Variants in POLR3K observed in about 807,000 individuals in gnomAD.
POLR3K encodes DNA-directed RNA polymerase III subunit RPC10.
A neutral mutation model predicts 13.5 loss-of-function variants in POLR3K; 11 were observed. The observed-to-expected ratio is 0.81, with a 90% CI of 0.51 to 1.35. The LOEUF (loss-of-function observed/expected upper bound fraction) is 1.35. Ranked by LOEUF, POLR3K falls within the 40% of genes most tolerant of loss-of-function variation. The pLI, the probability that POLR3K is intolerant of heterozygous loss-of-function variation, is 0.00. For synonymous variants in POLR3K, 56 were observed against 51.5 expected (o/e 1.09, Z -0.38); for missense variants, 144 against 145.3 (o/e 0.99, Z 0.05).
At position 47,353 on chromosome 16, in the gene POLR3K, C is replaced by T. The variant is rs867426292; in HGVS notation, c.*77G>A. 1.9e-6 allele frequency: 3 copies of T among 1,544,348 alleles called. No homozygotes were observed. The highest frequency in any genetic ancestry group is 1.8e-4 in the Middle Eastern group (1 of 5,470). The stretch of plus-strand genomic sequence containing the variant: ...CACTAGCAAAGACCCTCAGGACACA[C>T]AACTCATACTGCCAGCTAAGCATCT... On this transcript the variant is annotated 3_prime_UTR_variant, in exon 3 of 3. Transcript: ENST00000293860.
chr16:51,798 A>C (rs1206987420), intron 1 of POLR3K, 153 bp from the exon 2 acceptor site: 3 of 592,090 alleles, frequency 5.1e-6, no homozygotes, highest in Non-Finnish European at 9.1e-6. Flanking sequence ...AGACGGGCGG[A>C]TCACGAGGTC....
chr16:50,540 G>C (rs918709109), intron 2 of POLR3K, among the ~76,000 whole-genome samples: 3 of 152,068 alleles, frequency 2.0e-5, no homozygotes, highest in African/African-American at 7.2e-5. Flanking sequence ...TGTTTGTTTT[G>C]AGACAGAGTC....
In POLR3K at chr16:46,474, C is replaced by G. The variant is rs1897283822; in HGVS notation, c.*956G>C. On this transcript the variant is annotated 3_prime_UTR_variant, in exon 3 of 3. Coordinates refer to ENST00000293860, the MANE Select transcript of POLR3K (RefSeq NM_016310.5). ...ACACAGTGGCTCACGCCTGTAATCC[C>G]AGCACTTTAGGAGGCCGAGGCAGAC... 6.6e-6 allele frequency: 1 copy of G among 152,116 alleles called. No individual in the cohort carries two copies. The highest frequency in any genetic ancestry group is 6.6e-5 in the Admixed American group (1 of 15,264). The allele number at this position is 152,116 out of a possible 1,614,324, so 9.4% of individuals were successfully genotyped here. A position where few individuals can be genotyped will look rare whatever the true frequency, so the allele number is the denominator to read the frequency against.
At chr16:49,988 C>T (rs145052051) in intron 2 of POLR3K, among the ~76,000 whole-genome samples, 20,768 of 151,196 alleles carry the variant, frequency 0.14, 1,543 homozygotes, top group Middle Eastern at 0.25. Flanking sequence ...GACAGAGTTT[C>T]GTTCTTGTTG....
At position 46,496 on chromosome 16, in the gene POLR3K, A is replaced by G. The variant is rs57090347; in HGVS notation, c.*934T>C. 0.16 allele frequency: 23,806 copies of G among 152,074 alleles called. 2,096 individuals are homozygous for G. Among genetic ancestry groups the G allele is most frequent in the Middle Eastern group, 0.27 (78 of 294 alleles). The allele number at this position is 152,074 out of a possible 1,614,324, so 9.4% of individuals were successfully genotyped here. A position where few individuals can be genotyped will look rare whatever the true frequency, so the allele number is the denominator to read the frequency against. The stretch of plus-strand genomic sequence containing the variant: ...TCCCAGCACTTTAGGAGGCCGAGGC[A>G]GACAGATTATCTGAGGTCAGGAGTT... On this transcript the variant is annotated 3_prime_UTR_variant, in exon 3 of 3. Transcript: ENST00000293860.
chr16:48,133 G>A (rs1051568171), intron 2 of POLR3K, among the ~76,000 whole-genome samples: 6 of 151,478 alleles, frequency 4.0e-5, no homozygotes, highest in African/African-American at 9.7e-5. Context: ...CTCATGATCC[G>A]CCCACCTCAA....
At position 46,739 on chromosome 16, in the gene POLR3K, T is replaced by TA. The variant is rs1207441637; in HGVS notation, c.*690dup. ...ACTCTGTCTTAAATAAATAAATAAA[T>TA]AAATAAAATAAATAAATAAATAAAT... On this transcript the variant is annotated 3_prime_UTR_variant, in exon 3 of 3. Transcript: ENST00000293860. 2 of 121,464 alleles carry TA rather than the reference T, an allele frequency of 1.6e-5. No individual in the cohort carries two copies. The highest frequency in any genetic ancestry group is 8.4e-5 in the Admixed American group (1 of 11,972). 7.5% of individuals were successfully genotyped at this position (121,464 alleles called of 1,614,324 possible).
intron 2 of POLR3K, among the ~76,000 whole-genome samples, chr16:49,300 T>A (rs978764483): frequency 1.3e-5 from 2 of 151,820 alleles, no homozygotes; most frequent in African/African-American, 4.8e-5. Context: ...TAGCTGGGCG[T>A]GGTGGCGCAT....
At chr16:50,158 C>G (rs865783748) in intron 2 of POLR3K, among the ~76,000 whole-genome samples, 1 of 152,180 alleles carries the variant, frequency 6.6e-6, no homozygotes, top group South Asian at 2.1e-4. Context: ...GGGGTTTCAC[C>G]GTGTTAGCCA....
chr16:52,730 C>A (rs1483464607), intron 1 of POLR3K, among the ~76,000 whole-genome samples: 1 of 136,106 alleles, frequency 7.3e-6, no homozygotes, highest in Non-Finnish European at 1.5e-5. Flanking sequence ...CGCGCCACTG[C>A]ACTCCAGCCT....
chr16:48,583 A>G (rs543608251), intron 2 of POLR3K, among the ~76,000 whole-genome samples: 45 of 152,148 alleles, frequency 3.0e-4, no homozygotes, highest in African/African-American at 9.9e-4. Context: ...AGGCCAAGGC[A>G]GGCGGATCAC....
intron 2 of POLR3K, 111 bp downstream of exon 2, chr16:51,447 A>G (rs1038108775): frequency 3.7e-6 from 3 of 808,004 alleles, no homozygotes; most frequent in East Asian, 2.6e-5. Flanking sequence ...ACCATTTTCT[A>G]TTTTTAGAAA....
rs565045184 is a variant in POLR3K, at chr16:53,359, G to T, written c.111+117C>A. ...CAGATCTGCTGCAGACCAGAAAGGG[G>T]CGCGAGAAAGAGCGGACAGAGGCAG... On this transcript the variant is annotated intron_variant, in intron 1 of 2. Transcript: ENST00000293860. The T allele has an allele frequency of 5.5e-6, 8 of 1,445,282 alleles. No homozygotes were observed. In the South Asian group the frequency reaches 1.0e-4, roughly 18 times the overall value. The allele number at this position is 1,445,282 out of a possible 1,614,324, so 89.5% of individuals were successfully genotyped here. A position where few individuals can be genotyped will look rare whatever the true frequency, so the allele number is the denominator to read the frequency against.
chr16:53,455 G>C (rs1311525748), intron 1 of POLR3K, 21 bp downstream of exon 1: 2 of 1,597,286 alleles, frequency 1.3e-6, no homozygotes, highest in Non-Finnish European at 1.7e-6. Flanking sequence ...CCCGCGCCCA[G>C]CGCCGGCCTT....
chr16:47,405 C>G lies in POLR3K; in HGVS notation c.*25G>C. ...CCCCGAGGGACAAGGCAAGCACACA[C>G]TAGGGCAGCTGGGCCATCCTGGCCC... On this transcript the variant is annotated 3_prime_UTR_variant, in exon 3 of 3. Transcript: ENST00000293860. 6.2e-7 allele frequency: 1 copy of G among 1,609,322 alleles called. No individual in the cohort carries two copies.
chr16:50,201 C>T (rs1409748807), intron 2 of POLR3K, among the ~76,000 whole-genome samples: 3 of 151,928 alleles, frequency 2.0e-5, no homozygotes, highest in Non-Finnish European at 2.9e-5. Flanking sequence ...TCAGGTGATC[C>T]GCCCGCCTCG....
In POLR3K at chr16:47,248, C is replaced by G; in HGVS notation, c.*182G>C. 1 of 650,858 alleles carries G rather than the reference C, an allele frequency of 1.5e-6. No homozygotes were observed. Among genetic ancestry groups the G allele is most frequent in the Non-Finnish European group, 2.3e-6 (1 of 425,760 alleles). The allele number at this position is 650,858 out of a possible 1,614,324, so 40.3% of individuals were successfully genotyped here. ...CAGAAAAACTCCCAGACATTCATGA[C>G]TTCATCCACCCTGCCTGGCAGATAG... On this transcript the variant is annotated 3_prime_UTR_variant, in exon 3 of 3. Transcript: ENST00000293860.
chr16:51,770 C>T (rs1897333101), intron 1 of POLR3K, 125 bp from the exon 2 acceptor site: 2 of 725,254 alleles, frequency 2.8e-6, no homozygotes, highest in East Asian at 5.6e-5. Flanking sequence ...CCTGTAATCC[C>T]AGCACTTTGG....
At chr16:53,264 G>T (rs1897359219) in intron 1 of POLR3K, 1 of 961,806 alleles carries the variant, frequency 1.0e-6, no homozygotes, top group Non-Finnish European at 1.4e-6. Flanking sequence ...AAGGGCGCGA[G>T]CGTGGGAGCA....
Sources: gnomAD v4.1 joint callset for allele counts (sites outside exome capture counted in the v4.1 genomes callset) on GRCh38, gnomAD v4.1.1 for gene constraint, MANE v1.5 for transcripts, NCBI Gene and HGNC (gene_info 2026-07-23, HGNC 2026-07-21) for gene names.